The following FNDC3B variants were observed in gnomAD, a reference collection of about 807,000 sequenced individuals.
FNDC3B encodes the protein fibronectin type III domain-containing protein 3B.
A neutral mutation model predicts 151.5 loss-of-function variants in FNDC3B; 12 were observed. The observed-to-expected ratio is 0.08, with a 90% CI of 0.05 to 0.13. The LOEUF (loss-of-function observed/expected upper bound fraction) is 0.13, where lower values mean the gene tolerates loss of function less well. FNDC3B is among the 10% of genes least tolerant of loss of function. The pLI, the probability that FNDC3B is intolerant of heterozygous loss-of-function variation, is 1.00. For synonymous variants in FNDC3B, 528 were observed against 549.0 expected (o/e 0.96, Z 0.54); for missense variants, 1,214 against 1,505.3 (o/e 0.81, Z 3.20).
At chr3:172,264,249 G>A (rs931332016) in intron 6 of FNDC3B, among the ~76,000 whole-genome samples, 4 of 152,070 alleles carry the variant, frequency 2.6e-5, no homozygotes, top group African/African-American at 4.8e-5. Flanking sequence ...CTCCCGCCTC[G>A]GCCTACCAAA....
chr3:172,168,494 G>A (rs1576927580), intron 3 of FNDC3B, among the ~76,000 whole-genome samples: 1 of 152,150 alleles, frequency 6.6e-6, no homozygotes, highest in African/African-American at 2.4e-5. Context: ...TATCACATGC[G>A]AGAACTGACA....
At chr3:172,349,499 A>T (rs1733758771) in intron 21 of FNDC3B, among the ~76,000 whole-genome samples, 1 of 152,216 alleles carries the variant, frequency 6.6e-6, no homozygotes, top group East Asian at 1.9e-4. Flanking sequence ...AACTGTTAAT[A>T]AAAAGTGGTG....
chr3:172,189,164 T>G (rs1428460011), intron 3 of FNDC3B, among the ~76,000 whole-genome samples: 1 of 152,240 alleles, frequency 6.6e-6, no homozygotes, highest in Non-Finnish European at 1.5e-5. Flanking sequence ...TATTCACAAT[T>G]GTTTTTAATT....
chr3:172,379,321 G>A (rs1420414122), intron 24 of FNDC3B, among the ~76,000 whole-genome samples: 1 of 152,194 alleles, frequency 6.6e-6, no homozygotes, highest in Non-Finnish European at 1.5e-5. Context: ...ATAACCCTAA[G>A]GCTGACAGAT....
intron 19 of FNDC3B, among the ~76,000 whole-genome samples, chr3:172,345,137 A>G (rs1273734245): frequency 6.6e-6 from 1 of 152,248 alleles, no homozygotes; most frequent in Non-Finnish European, 1.5e-5. Flanking sequence ...GAATAAAAGA[A>G]GGGCTATTCC....
At chr3:172,192,154 G>A (rs1560010616) in intron 3 of FNDC3B, among the ~76,000 whole-genome samples, 2 of 144,530 alleles carry the variant, frequency 1.4e-5, no homozygotes, top group East Asian at 2.0e-4. Flanking sequence ...ACAGAAGACT[G>A]TTTTTTTTGT....
At chr3:172,111,168 A>G (rs901169216) in intron 1 of FNDC3B, among the ~76,000 whole-genome samples, 4 of 151,512 alleles carry the variant, frequency 2.6e-5, no homozygotes, top group Admixed American at 2.0e-4. Flanking sequence ...TTTTTCTCTT[A>G]TGCATTATTA....
chr3:172,116,995 C>T (rs1436688195), intron 2 of FNDC3B, among the ~76,000 whole-genome samples: 1 of 152,212 alleles, frequency 6.6e-6, no homozygotes, highest in East Asian at 1.9e-4. Flanking sequence ...TGATAGACAT[C>T]TGAGTTATTT....
intron 3 of FNDC3B, among the ~76,000 whole-genome samples, chr3:172,185,846 T>C (rs1724147951): frequency 6.6e-6 from 1 of 152,228 alleles, no homozygotes; most frequent in Admixed American, 6.5e-5. Flanking sequence ...GACTTTTCAC[T>C]TTCTTTGCCA....
intron 3 of FNDC3B, among the ~76,000 whole-genome samples, chr3:172,198,363 T>G (rs901875110): frequency 6.6e-6 from 1 of 152,224 alleles, no homozygotes; most frequent in Admixed American, 6.5e-5. Flanking sequence ...TGTATGAATA[T>G]ACTTGGACAC....
Position 172,040,900 on chromosome 3 carries a change from C to T in FNDC3B, c.-29+1129C>T, listed in dbSNP as rs1172406363. On this transcript the variant is annotated intron_variant, in intron 1 of 25. Coordinates refer to ENST00000415807, the MANE Select transcript of FNDC3B (RefSeq NM_022763.4). The surrounding 1 kb of genome is among the most constrained non-coding windows in gnomAD (Gnocchi z 6.6). ...GACTGGGCTGCGCCGCCCGGCGGCGCCTTTGGCGGGGAGGCTTCCAGGAGT... is the reference window on the plus strand; with the variant it reads ...GACTGGGCTGCGCCGCCCGGCGGCGTCTTTGGCGGGGAGGCTTCCAGGAGT... Among the ~76,000 whole-genome samples the T allele has an allele frequency of 6.6e-6, 1 of 152,112 alleles. No individual in the cohort carries two copies. The highest frequency in any genetic ancestry group is 1.5e-5 in the Non-Finnish European group (1 of 67,996).
chr3:172,114,906 T>C (rs1442922226), intron 2 of FNDC3B, among the ~76,000 whole-genome samples: 2 of 152,238 alleles, frequency 1.3e-5, no homozygotes, highest in East Asian at 3.8e-4. Context: ...CTGTTTTGTC[T>C]TTTTAATTAG....
intron 11 of FNDC3B, among the ~76,000 whole-genome samples, chr3:172,325,997 T>C (rs866207767): frequency 6.6e-6 from 1 of 152,090 alleles, no homozygotes. Flanking sequence ...GTAATGTCTT[T>C]GTATTTTTAG....
At chr3:172,346,300 C>T (rs367887016) in intron 19 of FNDC3B, 27 bp from the exon 20 acceptor site, 6 of 1,288,994 alleles carry the variant, frequency 4.7e-6, no homozygotes, top group Admixed American at 1.7e-5. Flanking sequence ...TATATACATA[C>T]GTGTGTGTGC....
chr3:172,166,610 C>G (rs1723016561), intron 3 of FNDC3B, among the ~76,000 whole-genome samples: 1 of 152,122 alleles, frequency 6.6e-6, no homozygotes, highest in Non-Finnish European at 1.5e-5. Context: ...GAACTCTTAG[C>G]CAGGTACAGT....
At chr3:172,364,999 A>G (rs1440220760) in intron 23 of FNDC3B, among the ~76,000 whole-genome samples, 1 of 152,240 alleles carries the variant, frequency 6.6e-6, no homozygotes, top group Non-Finnish European at 1.5e-5. Flanking sequence ...GAGATTTAAT[A>G]GAATGAAAAC....
At chr3:172,174,523 T>A (rs549325802) in intron 3 of FNDC3B, among the ~76,000 whole-genome samples, 5 of 152,374 alleles carry the variant, frequency 3.3e-5, no homozygotes, top group Non-Finnish European at 5.9e-5. Context: ...ATAAACAATT[T>A]GTTAATTGCA....
chr3:172,093,981 G>A (rs1718975419), intron 1 of FNDC3B, among the ~76,000 whole-genome samples: 2 of 152,176 alleles, frequency 1.3e-5, no homozygotes, highest in Admixed American at 1.3e-4. Flanking sequence ...GCATATTCAT[G>A]TCGTTATGCA....
rs138096295 is a variant in FNDC3B, at chr3:172,401,143, G to C, written c.*3668G>C. On this transcript the variant is annotated 3_prime_UTR_variant, in exon 26 of 26. Coordinates refer to ENST00000415807, the MANE Select transcript of FNDC3B (RefSeq NM_022763.4). ...TCACCATGTTGGCCAAGATGGTCTC[G>C]ATCTGACCTCGTGATCTGCCCGCCT... is the stretch of plus-strand genomic sequence containing the variant. 6.6e-6 allele frequency: 1 copy of C among 152,108 alleles called. No homozygotes were observed. The highest frequency in any genetic ancestry group is 1.5e-5 in the Non-Finnish European group (1 of 68,132). The allele number at this position is 152,108 out of a possible 1,614,324, so 9.4% of individuals were successfully genotyped here.
Sources: allele counts gnomAD v4.1 joint callset (sites outside exome capture counted in the v4.1 genomes callset), GRCh38; gene constraint gnomAD v4.1.1; non-coding constraint Gnocchi (gnomAD v3.1); transcripts MANE v1.5; gene names NCBI Gene and HGNC (gene_info 2026-07-23, HGNC 2026-07-21).